The following PARD3B variants were observed in gnomAD, a reference collection of about 807,000 sequenced individuals.
The protein encoded by PARD3B is par-3 family cell polarity regulator beta.
PARD3B carries 103 observed loss-of-function variants against 130.2 expected under a neutral mutation model. The observed-to-expected ratio is 0.79, with a 90% CI of 0.67 to 0.93. PARD3B has a LOEUF of 0.93. Among genes scored for constraint, PARD3B ranks in the 40% least tolerant of loss-of-function variants. PARD3B has a pLI of 0.00. For missense variants in PARD3B, 1,609 were observed against 1,499.2 expected, an observed-to-expected ratio of 1.07 and a Z score of -1.21; for synonymous variants, 583 against 553.2, an observed-to-expected ratio of 1.05 and a Z score of -0.76.
intron 16 of PARD3B, among the ~76,000 whole-genome samples, chr2:205,285,287 T>C (rs986299963): frequency 1.3e-5 from 2 of 152,026 alleles, no homozygotes; most frequent in East Asian, 1.9e-4. Context: ...TAGCTATCAT[T>C]ATTATTATTA....
At chr2:204,867,363 C>A (rs951046006) in intron 2 of PARD3B, among the ~76,000 whole-genome samples, 2 of 152,132 alleles carry the variant, frequency 1.3e-5, no homozygotes, top group African/African-American at 4.8e-5. Flanking sequence ...TCAAGGTCTG[C>A]GTTGGTGGCT....
At position 205,619,614 on chromosome 2, in the gene PARD3B, C is replaced by T. The variant is rs990733668; in HGVS notation, c.*3801C>T. The stretch of plus-strand genomic sequence containing the variant: ...CCACAGCGAGACCAGAAAGAGGAGT[C>T]GCCTTAAGGTATCCCTACAAAGTCA... On this transcript the variant is annotated 3_prime_UTR_variant, in exon 23 of 23. Transcript: ENST00000406610. 4.6e-5 allele frequency: 7 copies of T among 152,008 alleles called. No individual in the cohort carries two copies. The highest frequency in any genetic ancestry group is 9.7e-5 in the African/African-American group (4 of 41,370). 9.4% of individuals were successfully genotyped at this position (152,008 alleles called of 1,614,324 possible). A position where few individuals can be genotyped will look rare whatever the true frequency, so the allele number is the denominator to read the frequency against.
At chr2:204,728,245 C>G (rs2039327859) in intron 2 of PARD3B, among the ~76,000 whole-genome samples, 1 of 152,038 alleles carries the variant, frequency 6.6e-6, no homozygotes, top group Non-Finnish European at 1.5e-5. Flanking sequence ...TTATACTCAG[C>G]CTGGTTCTAG....
At position 205,341,932 on chromosome 2, in the gene PARD3B, A is replaced by G. The variant is rs2043556601; in HGVS notation, c.2630+40231A>G. On this transcript the variant is annotated intron_variant, in intron 18 of 22. Coordinates refer to ENST00000406610, the MANE Select transcript of PARD3B (RefSeq NM_001302769.2). The surrounding 1 kb of genome is among the most constrained non-coding windows in gnomAD (Gnocchi z 4.3). ...AGATACAGTAAAAATACAATATTAT[A>G]ATCTTATGGGACCACTGTCATATAT... Among the ~76,000 whole-genome samples, 1 of 152,168 alleles carries G rather than the reference A, an allele frequency of 6.6e-6. No individual in the cohort carries two copies. Among genetic ancestry groups the G allele is most frequent in the Admixed American group, 6.5e-5 (1 of 15,274 alleles).
intron 22 of PARD3B, among the ~76,000 whole-genome samples, chr2:205,607,883 GGCA>G (rs2055071954): frequency 1.5e-5 from 2 of 131,056 alleles, no homozygotes; most frequent in Non-Finnish European, 3.2e-5. Context: ...CACACACAGA[GGCA>G]TGAAGATGGA....
chr2:204,718,643 C>T (rs1300977959), intron 2 of PARD3B, among the ~76,000 whole-genome samples: 1 of 152,178 alleles, frequency 6.6e-6, no homozygotes, highest in African/African-American at 2.4e-5. Context: ...TGACCTCCAT[C>T]CTCAACATTG....
chr2:205,023,885 C>T (rs1397712593), intron 3 of PARD3B, among the ~76,000 whole-genome samples: 1 of 151,956 alleles, frequency 6.6e-6, no homozygotes, highest in Non-Finnish European at 1.5e-5. Context: ...ACTTGATTTG[C>T]TGTTTGGGGG....
intron 1 of PARD3B, among the ~76,000 whole-genome samples, chr2:204,662,979 A>G (rs2035879674): frequency 1.3e-5 from 2 of 152,172 alleles, no homozygotes; most frequent in Admixed American, 6.5e-5. Flanking sequence ...ATTTACTCTC[A>G]TACTGTAACC....
At chr2:204,665,773 G>A (rs1183653853) in intron 1 of PARD3B, among the ~76,000 whole-genome samples, 10 of 152,142 alleles carry the variant, frequency 6.6e-5, no homozygotes, top group Admixed American at 6.5e-4. Context: ...CTAGAAATTA[G>A]TGGGATAAAT....
rs775768512 is a variant in PARD3B at position 204,967,431 on chromosome 2, G to C, written c.394+2108G>C. On this transcript the variant is annotated intron_variant, in intron 3 of 22. Transcript: ENST00000406610. The surrounding 1 kb of genome is among the most constrained non-coding windows in gnomAD (Gnocchi z 4.4). ...TCCAGTCCCTACTGTTGCCAGAGCT[G>C]CCTTTCTAAATCACAAATCTGATTA... Among the ~76,000 whole-genome samples, 8 of 152,142 alleles carry C rather than the reference G, an allele frequency of 5.3e-5. No homozygotes were observed. Among genetic ancestry groups the C allele is most frequent in the African/African-American group, 1.9e-4 (8 of 41,444 alleles).
At chr2:204,809,937 T>C (rs558185648) in intron 2 of PARD3B, among the ~76,000 whole-genome samples, 14 of 152,158 alleles carry the variant, frequency 9.2e-5, no homozygotes, top group African/African-American at 2.9e-4. Context: ...ATAAGTCTTA[T>C]TGTAGAGATC....
At chr2:205,459,173 G>GA (rs1345525873) in intron 20 of PARD3B, among the ~76,000 whole-genome samples, 1 of 152,142 alleles carries the variant, frequency 6.6e-6, no homozygotes, top group African/African-American at 2.4e-5. Context: ...GACTTGGAGA[G>GA]AAAAAACGCC....
chr2:205,215,715 G>T lies in PARD3B; in HGVS notation c.2140+22395G>T, dbSNP rs904106717. 8.6e-5 allele frequency among the ~76,000 whole-genome samples: 13 copies of T among 151,972 alleles called. No individual in the cohort carries two copies. The East Asian group carries it at 2.5e-3, about 29-fold the overall frequency. On this transcript the variant is annotated intron_variant, in intron 15 of 22. Transcript: ENST00000406610. The stretch of plus-strand genomic sequence containing the variant: ...AATGCTGCTTTCTGTAAGGCAGAGT[G>T]GTAATTATATAGGCACCTTAACACT...
intron 20 of PARD3B, among the ~76,000 whole-genome samples, chr2:205,485,554 G>C (rs2049405302): frequency 1.3e-5 from 2 of 152,136 alleles, no homozygotes; most frequent in Non-Finnish European, 2.9e-5. Context: ...GTGATATATG[G>C]GGTTACAGAG....
intron 22 of PARD3B, among the ~76,000 whole-genome samples, chr2:205,606,519 G>A (rs559577455): frequency 3.3e-5 from 5 of 151,686 alleles, no homozygotes; most frequent in African/African-American, 1.2e-4. Flanking sequence ...TTCTCAGTGG[G>A]AGCCTCCGAC....
At chr2:205,169,413 TAAAA>T (rs1232957402) in intron 11 of PARD3B, among the ~76,000 whole-genome samples, 3 of 152,052 alleles carry the variant, frequency 2.0e-5, no homozygotes, top group Admixed American at 2.0e-4. Flanking sequence ...TAACTGAAAA[TAAAA>T]AAATAAAAAA....
chr2:205,391,450 T>C (rs1283933207), intron 18 of PARD3B, among the ~76,000 whole-genome samples: 3 of 152,226 alleles, frequency 2.0e-5, no homozygotes, highest in Non-Finnish European at 4.4e-5. Flanking sequence ...ACATATTTTC[T>C]ACTGCTTTGA....
chr2:205,337,792 T>C (rs1038332134), intron 18 of PARD3B, among the ~76,000 whole-genome samples: 5 of 152,220 alleles, frequency 3.3e-5, no homozygotes, highest in Non-Finnish European at 7.3e-5. Context: ...AGCCAGTTTA[T>C]GACATTTTAG....
intron 1 of PARD3B, among the ~76,000 whole-genome samples, chr2:204,635,716 A>G (rs1365553860): frequency 1.3e-5 from 2 of 152,194 alleles, no homozygotes; most frequent in Admixed American, 6.5e-5. Context: ...GGCTCTGCCA[A>G]CTAATGAGTC....
Sources: allele counts gnomAD v4.1 joint callset (sites outside exome capture counted in the v4.1 genomes callset), GRCh38; gene constraint gnomAD v4.1.1; non-coding constraint Gnocchi (gnomAD v3.1); transcripts MANE v1.5; gene names NCBI Gene and HGNC (gene_info 2026-07-23, HGNC 2026-07-21).